Variants in TAOK1 observed in about 807,000 individuals in gnomAD.
TAOK1 encodes the protein serine/threonine-protein kinase TAO1.
TAOK1 carries 21 observed loss-of-function variants against 138.3 expected under a neutral mutation model. That is an observed-to-expected ratio of 0.15 (90% CI 0.11 to 0.22). TAOK1 has a LOEUF of 0.22. TAOK1 is among the 10% of genes least tolerant of loss of function. TAOK1 has a pLI of 1.00. For synonymous variants in TAOK1, 361 were observed against 398.4 expected, an observed-to-expected ratio of 0.91 and a Z score of 1.12; for missense variants, 651 against 1,227.7, an observed-to-expected ratio of 0.53 and a Z score of 7.02.
intron 1 of TAOK1, among the ~76,000 whole-genome samples, chr17:29,447,947 C>T (rs867927532): frequency 7.9e-5 from 11 of 140,044 alleles, no homozygotes; most frequent in Non-Finnish European, 1.5e-4. Context: ...TGAGCCACTG[C>T]ACCTGGTCTT....
chr17:29,510,844 A>AT lies in TAOK1; in HGVS notation c.1576-14dup. On this transcript the variant is annotated intron_variant, in intron 14 of 19. Coordinates refer to ENST00000261716, the MANE Select transcript of TAOK1 (RefSeq NM_020791.4). ...TTATCTACTTAACTAAATTTGATTC[A>AT]TTTTTTAAACTTCATATAGGCTAAA... The AT allele has an allele frequency of 1.9e-6, 3 of 1,547,118 alleles. No homozygotes were observed. The highest frequency in any genetic ancestry group is 2.6e-6 in the Non-Finnish European group (3 of 1,150,476).
chr17:29,496,415 G>A (rs886529687), intron 11 of TAOK1, among the ~76,000 whole-genome samples: 35 of 152,042 alleles, frequency 2.3e-4, no homozygotes, highest in African/African-American at 4.8e-5. Flanking sequence ...ACTGTGCCCA[G>A]CCTGAGCCCT....
At chr17:29,470,219 G>C (rs528806446) in intron 3 of TAOK1, among the ~76,000 whole-genome samples, 1 of 152,224 alleles carries the variant, frequency 6.6e-6, no homozygotes, top group East Asian at 1.9e-4. Flanking sequence ...TTTAGGATGT[G>C]GCCTAAGTAT....
intron 3 of TAOK1, among the ~76,000 whole-genome samples, chr17:29,474,371 C>T (rs1325859420): frequency 1.3e-5 from 2 of 152,194 alleles, no homozygotes; most frequent in African/African-American, 4.8e-5. Context: ...AAAGGCCTAG[C>T]TTCAAAGCCT....
At chr17:29,495,856 T>A in intron 11 of TAOK1, 129 bp downstream of exon 11, 2 of 721,990 alleles carry the variant, frequency 2.8e-6, no homozygotes, top group Non-Finnish European at 4.1e-6. Flanking sequence ...ACACTGGTCC[T>A]ATAAAATCCC....
intron 1 of TAOK1, among the ~76,000 whole-genome samples, chr17:29,416,458 G>C (rs1905267291): frequency 6.6e-6 from 1 of 151,898 alleles, no homozygotes; most frequent in Admixed American, 6.6e-5. Flanking sequence ...ACTTCTCAAA[G>C]AGAAGTCTTA....
chr17:29,419,117 T>A (rs1348937530), intron 1 of TAOK1, among the ~76,000 whole-genome samples: 1 of 152,150 alleles, frequency 6.6e-6, no homozygotes, highest in Non-Finnish European at 1.5e-5. Flanking sequence ...TTTTTCTTAC[T>A]TTTCTCATCA....
intron 1 of TAOK1, among the ~76,000 whole-genome samples, chr17:29,444,304 A>G (rs1018403564): frequency 1.3e-5 from 2 of 152,164 alleles, no homozygotes; most frequent in Non-Finnish European, 2.9e-5. Context: ...AGACCTTTCT[A>G]TGTTAGTTTA....
chr17:29,418,578 T>C (rs1321445766), intron 1 of TAOK1, among the ~76,000 whole-genome samples: 1 of 152,162 alleles, frequency 6.6e-6, no homozygotes, highest in African/African-American at 2.4e-5. Context: ...ATACAATCCA[T>C]GAATGCCTAA....
intron 19 of TAOK1, among the ~76,000 whole-genome samples, chr17:29,538,751 G>A (rs2032266061): frequency 6.6e-6 from 1 of 152,154 alleles, no homozygotes; most frequent in Non-Finnish European, 1.5e-5. Context: ...ACATGTACAT[G>A]AAGTCTTGTT....
At chr17:29,495,824 G>A (rs2031402042) in intron 11 of TAOK1, 97 bp downstream of exon 11, 2 of 1,085,686 alleles carry the variant, frequency 1.8e-6, no homozygotes, top group Admixed American at 6.4e-5. Context: ...TATACCAAGG[G>A]TTTCCAGGTT....
chr17:29,399,566 T>TG (rs199866912), intron 1 of TAOK1, among the ~76,000 whole-genome samples: 2,596 of 152,064 alleles, frequency 0.017, 75 homozygotes, highest in African/African-American at 0.059. Flanking sequence ...CTGCCCGCCT[T>TG]GGCCTCCCAA....
At chr17:29,467,072 A>G (rs1279230056) in intron 2 of TAOK1, 73 bp from the exon 3 acceptor site, 3 of 1,175,988 alleles carry the variant, frequency 2.6e-6, no homozygotes, top group Non-Finnish European at 3.6e-6. Context: ...ATGCTTTTAT[A>G]TTCGCAAAGA....
intron 15 of TAOK1, among the ~76,000 whole-genome samples, chr17:29,517,153 AT>A (rs1162897783): frequency 6.6e-6 from 1 of 151,412 alleles, no homozygotes; most frequent in Non-Finnish European, 1.5e-5. Flanking sequence ...TGCCCGGCTA[AT>A]TTTTTTTGTA....
intron 19 of TAOK1, among the ~76,000 whole-genome samples, chr17:29,542,120 G>T (rs947953143): frequency 6.6e-6 from 1 of 152,000 alleles, no homozygotes; most frequent in Non-Finnish European, 1.5e-5. Context: ...CTCATGATCC[G>T]CCCGCATCAG....
At chr17:29,494,825 CAA>C (rs368548444) in intron 10 of TAOK1, among the ~76,000 whole-genome samples, 13 of 48,298 alleles carry the variant, frequency 2.7e-4, no homozygotes, top group African/African-American at 5.9e-4. Context: ...GACTCCGTCT[CAA>C]AAAAAAAAAA....
At chr17:29,533,677 A>C (rs1963786307) in intron 18 of TAOK1, among the ~76,000 whole-genome samples, 1 of 151,816 alleles carries the variant, frequency 6.6e-6, no homozygotes, top group Non-Finnish European at 1.5e-5. Context: ...CGTCTCCACC[A>C]AAAAAATACG....
intron 8 of TAOK1, among the ~76,000 whole-genome samples, chr17:29,485,444 C>T (rs1225791149): frequency 6.7e-6 from 1 of 150,096 alleles, no homozygotes; most frequent in African/African-American, 2.4e-5. Flanking sequence ...TGAGACCAGC[C>T]TGGGCAGCAT....
At chr17:29,535,296 C>T (rs2032204319) in intron 19 of TAOK1, among the ~76,000 whole-genome samples, 1 of 143,712 alleles carries the variant, frequency 7.0e-6, no homozygotes, top group South Asian at 2.2e-4. Flanking sequence ...GGGCAACAGG[C>T]AAGATCCTGT....
Sources: gnomAD v4.1 joint callset for allele counts (sites outside exome capture counted in the v4.1 genomes callset) on GRCh38, gnomAD v4.1.1 for gene constraint, MANE v1.5 for transcripts, NCBI Gene and HGNC (gene_info 2026-07-23, HGNC 2026-07-21) for gene names.